Variants in FHIT observed in about 807,000 individuals in gnomAD.
FHIT encodes fragile histidine triad diadenosine triphosphatase, also known as bis(5'-adenosyl)-triphosphatase.
In FHIT, 19 loss-of-function variants were observed where a neutral mutation model predicts 17.9. The ratio of observed to expected loss-of-function variants is 1.06; its 90% confidence interval spans 0.74 to 1.56. The LOEUF (loss-of-function observed/expected upper bound fraction) is 1.56, where lower values mean the gene tolerates loss of function less well. FHIT is among the 40% of genes most tolerant of loss of function. The probability of loss-of-function intolerance (pLI) is 0.00; values close to 1 mark genes in which losing one functional copy is unlikely to be tolerated. For missense variants in FHIT, 248 were observed against 189.2 expected, an observed-to-expected ratio of 1.31 and a Z score of -1.82; for synonymous variants, 81 against 69.7, an observed-to-expected ratio of 1.16 and a Z score of -0.81.
intron 5 of FHIT, among the ~76,000 whole-genome samples, chr3:60,373,282 G>A (rs573558765): frequency 7.2e-5 from 11 of 152,318 alleles, no homozygotes; most frequent in Non-Finnish European, 1.3e-4. Context: ...GATAGGGTCA[G>A]AGAAGGATGA....
intron 8 of FHIT, among the ~76,000 whole-genome samples, chr3:59,784,963 G>C (rs1702769223): frequency 6.6e-6 from 1 of 152,112 alleles, no homozygotes; most frequent in Admixed American, 6.5e-5. Flanking sequence ...CATGATGCTG[G>C]CATCATGGGG....
At chr3:60,864,528 C>G (rs1252457638) in intron 3 of FHIT, among the ~76,000 whole-genome samples, 1 of 152,066 alleles carries the variant, frequency 6.6e-6, no homozygotes, top group Non-Finnish European at 1.5e-5. Flanking sequence ...GAAGAAACTG[C>G]ATTGGTAAAG....
intron 3 of FHIT, among the ~76,000 whole-genome samples, chr3:60,843,498 T>C (rs1297257475): frequency 6.6e-6 from 1 of 152,154 alleles, no homozygotes; most frequent in Non-Finnish European, 1.5e-5. Flanking sequence ...GTCTTGGAAA[T>C]ACTTTGCCCT....
chr3:61,028,475 G>A (rs902614193), intron 3 of FHIT, among the ~76,000 whole-genome samples: 6 of 152,180 alleles, frequency 3.9e-5, no homozygotes, highest in Non-Finnish European at 5.9e-5. Flanking sequence ...CTCAAAAGAA[G>A]CAAGGGCAAG....
At position 60,286,120 on chromosome 3, in the gene FHIT, T is replaced by C. The variant is rs139650039; in HGVS notation, c.103+250740A>G. Among the ~76,000 whole-genome samples the C allele has an allele frequency of 5.6e-3, 857 of 152,290 alleles. 7 individuals carry two copies. Among genetic ancestry groups the C allele is most frequent in the African/African-American group, 0.02 (816 of 41,572 alleles). ...CCTGCACTGAGTGCATCCTACTCTA[T>C]TCTCTATCCTAGTTTCAACAGAAGG... On this transcript the variant is annotated intron_variant, in intron 5 of 9. Transcript: ENST00000492590.
At chr3:61,190,673 A>G (rs2038684841) in intron 2 of FHIT, among the ~76,000 whole-genome samples, 1 of 152,218 alleles carries the variant, frequency 6.6e-6, no homozygotes. Flanking sequence ...AAAGACTTGG[A>G]ACCGACCCAA....
intron 8 of FHIT, among the ~76,000 whole-genome samples, chr3:59,846,080 C>CTGTTTAATTTAAAGTA (rs1701708091): frequency 6.6e-6 from 1 of 152,068 alleles, no homozygotes; most frequent in Non-Finnish European, 1.5e-5. Context: ...AATCCATTTA[C>CTGTTTAATTTAAAGTA]ATTTAAAGTA....
At chr3:59,870,783 G>T (rs1041558547) in intron 8 of FHIT, among the ~76,000 whole-genome samples, 7 of 152,088 alleles carry the variant, frequency 4.6e-5, no homozygotes, top group African/African-American at 1.7e-4. Flanking sequence ...CCCTGTTATT[G>T]CTAGAAGCAG....
intron 4 of FHIT, among the ~76,000 whole-genome samples, chr3:60,559,233 A>G (rs542310754): frequency 4.6e-5 from 7 of 152,226 alleles, no homozygotes; most frequent in Non-Finnish European, 5.9e-5. Flanking sequence ...TTAATATAAG[A>G]CAAAATAAAT....
intron 8 of FHIT, among the ~76,000 whole-genome samples, chr3:59,788,693 C>G (rs1699414639): frequency 1.3e-5 from 2 of 152,052 alleles, no homozygotes; most frequent in South Asian, 2.1e-4. Flanking sequence ...CAGGGCCTGG[C>G]TCACAGGAAC....
chr3:61,053,377 G>A (rs765330787), intron 2 of FHIT, among the ~76,000 whole-genome samples: 5 of 152,106 alleles, frequency 3.3e-5, no homozygotes, highest in African/African-American at 4.8e-5. Flanking sequence ...AATTGTGTTC[G>A]GCTGGGTGTG....
chr3:60,065,989 C>T (rs1395307966), intron 5 of FHIT, among the ~76,000 whole-genome samples: 4 of 152,182 alleles, frequency 2.6e-5, no homozygotes, highest in Non-Finnish European at 5.9e-5. Flanking sequence ...TGCCTACCTC[C>T]AGGAGGTCTT....
intron 4 of FHIT, among the ~76,000 whole-genome samples, chr3:60,546,276 G>C (rs1367640909): frequency 6.6e-6 from 1 of 151,884 alleles, no homozygotes; most frequent in East Asian, 1.9e-4. Context: ...GGTTAAGTCT[G>C]GTTTTTCTCT....
At chr3:60,226,886 C>T (rs1704234257) in intron 5 of FHIT, among the ~76,000 whole-genome samples, 1 of 147,310 alleles carries the variant, frequency 6.8e-6, no homozygotes, top group South Asian at 2.2e-4. Context: ...ATTATCTTCT[C>T]CTCTGGCTAG....
At chr3:60,802,535 T>G (rs1409147289) in intron 4 of FHIT, among the ~76,000 whole-genome samples, 1 of 152,222 alleles carries the variant, frequency 6.6e-6, no homozygotes, top group Non-Finnish European at 1.5e-5. Flanking sequence ...AATGAAATCT[T>G]CCTTAAAACT....
At chr3:59,902,165 G>C (rs1452341680) in intron 8 of FHIT, among the ~76,000 whole-genome samples, 2 of 152,130 alleles carry the variant, frequency 1.3e-5, no homozygotes, top group Admixed American at 6.5e-5. Context: ...TTTTTCCGAA[G>C]GGGACATACA....
intron 7 of FHIT, among the ~76,000 whole-genome samples, chr3:59,963,411 A>T (rs1254612553): frequency 6.6e-6 from 1 of 152,160 alleles, no homozygotes; most frequent in Non-Finnish European, 1.5e-5. Context: ...AAATGCTAGT[A>T]CCGTTAGTTC....
chr3:60,152,978 G>A (rs1236649142), intron 5 of FHIT, among the ~76,000 whole-genome samples: 1 of 152,148 alleles, frequency 6.6e-6, no homozygotes, highest in East Asian at 1.9e-4. Flanking sequence ...TGGACATGCA[G>A]TGTGATGAAG....
At chr3:60,105,844 A>G (rs1704384967) in intron 5 of FHIT, among the ~76,000 whole-genome samples, 1 of 152,210 alleles carries the variant, frequency 6.6e-6, no homozygotes, top group Non-Finnish European at 1.5e-5. Flanking sequence ...GAAAATGGGC[A>G]GGAAAATTAG....
Sources: gnomAD v4.1 joint callset for allele counts (sites outside exome capture counted in the v4.1 genomes callset) on GRCh38, gnomAD v4.1.1 for gene constraint, MANE v1.5 for transcripts, NCBI Gene and HGNC (gene_info 2026-07-23, HGNC 2026-07-21) for gene names.